Variants in ESRRB observed in about 807,000 individuals in gnomAD.
The protein encoded by ESRRB is estrogen related receptor beta.
Under a neutral mutation model 46.0 loss-of-function variants are expected in ESRRB, and 16 were observed. That is an observed-to-expected ratio of 0.35 (90% CI 0.24 to 0.53). The LOEUF is 0.53. ESRRB is among the 20% of genes least tolerant of loss of function. ESRRB has a pLI of 0.93. For missense variants in ESRRB, 488 were observed against 607.4 expected (o/e 0.80, Z 2.07); for synonymous variants, 246 against 259.6 (o/e 0.95, Z 0.50).
chr14:76,444,510 G>A (rs959184816), intron 2 of ESRRB, among the ~76,000 whole-genome samples: 11 of 151,862 alleles, frequency 7.2e-5, no homozygotes, highest in African/African-American at 1.9e-4. Flanking sequence ...AGAAAGGGAC[G>A]TGGTTCTTTC....
intron 1 of ESRRB, among the ~76,000 whole-genome samples, chr14:76,322,634 C>T (rs1032146005): frequency 1.3e-5 from 2 of 152,216 alleles, no homozygotes; most frequent in African/African-American, 4.8e-5. Context: ...TCTCCCACCA[C>T]CAATATCATC....
At chr14:76,331,348 G>A (rs765689239) in intron 1 of ESRRB, among the ~76,000 whole-genome samples, 21 of 152,168 alleles carry the variant, frequency 1.4e-4, no homozygotes, top group Admixed American at 2.6e-4. Flanking sequence ...ATTCACCTTT[G>A]TGCCTCAGTT....
intron 1 of ESRRB, among the ~76,000 whole-genome samples, chr14:76,341,999 T>G (rs1457090076): frequency 6.6e-6 from 1 of 152,148 alleles, no homozygotes; most frequent in African/African-American, 2.4e-5. Flanking sequence ...GGCCTGGAGT[T>G]GGGCTGATGG....
chr14:76,341,019 G>C (rs1011653432), intron 1 of ESRRB, among the ~76,000 whole-genome samples: 1 of 152,190 alleles, frequency 6.6e-6, no homozygotes, highest in Non-Finnish European at 1.5e-5. Context: ...CCGAGACTCA[G>C]CCTGCCCCTG....
At chr14:76,485,443 T>C (rs1421363202) in intron 5 of ESRRB, among the ~76,000 whole-genome samples, 1 of 151,946 alleles carries the variant, frequency 6.6e-6, no homozygotes, top group Non-Finnish European at 1.5e-5. Context: ...GGTTTCACCA[T>C]GTTGGCCAGG....
chr14:76,422,928 C>A (rs1363952754), intron 1 of ESRRB, among the ~76,000 whole-genome samples: 1 of 152,114 alleles, frequency 6.6e-6, no homozygotes, highest in Non-Finnish European at 1.5e-5. Flanking sequence ...AGTCAAGCAA[C>A]CCCTTTCCAG....
Position 76,498,738 on chromosome 14 carries a change from G to A in ESRRB, c.*280G>A, listed in dbSNP as rs1890538519. On this transcript the variant is annotated 3_prime_UTR_variant, in exon 7 of 7. Coordinates refer to ENST00000644823, the MANE Select transcript of ESRRB (RefSeq NM_001379180.1). ...GGACGGTGCGGAGGCCTGGGCCAGG[G>A]CTGACTCCCTTCAGGAGTGGAGGCC... 2 of 1,031,394 alleles carry A rather than the reference G, an allele frequency of 1.9e-6. No homozygotes were observed. The highest frequency in any genetic ancestry group is 1.8e-5 in the Admixed American group (1 of 55,026). The allele number at this position is 1,031,394 out of a possible 1,614,324, so 63.9% of individuals were successfully genotyped here. A position where few individuals can be genotyped will look rare whatever the true frequency, so the allele number is the denominator to read the frequency against.
intron 1 of ESRRB, among the ~76,000 whole-genome samples, chr14:76,421,408 A>C (rs1158982331): frequency 6.6e-6 from 1 of 152,226 alleles, no homozygotes; most frequent in African/African-American, 2.4e-5. Context: ...TATTTTGAGG[A>C]GTAAATAAGC....
At chr14:76,494,580 T>C (rs182515167) in intron 6 of ESRRB, among the ~76,000 whole-genome samples, 50 of 152,284 alleles carry the variant, frequency 3.3e-4, no homozygotes, top group African/African-American at 1.2e-3. Flanking sequence ...GTGCTGGGAT[T>C]GCGGGCGTGA....
chr14:76,356,654 C>G lies in ESRRB; in HGVS notation c.2+45738C>G, dbSNP rs546404469. On this transcript the variant is annotated intron_variant, in intron 1 of 6. Transcript: ENST00000512784. ...TGCACCCTCTTTTTAGACCTCCCCA[C>G]TCTGTGCTAACTCCAGACTCATCCT... Among the ~76,000 whole-genome samples, 9 of 152,336 alleles carry G rather than the reference C, an allele frequency of 5.9e-5. No individual in the cohort carries two copies. In the East Asian group the frequency reaches 1.7e-3, roughly 29 times the overall value.
Position 76,439,593 on chromosome 14 carries a change from C to T in ESRRB, c.303C>T (p.Ala101=). Residue 101 remains alanine (A), a synonymous_variant, in exon 2 of 7, where the codon GCC becomes GCT. Transcript: ENST00000644823. ...GCCGCAAGAGCTACGAGGACTGTGCCAGCGGCATCATGGAGGACTCGGCCA... is the reference window on the plus strand; with the variant it reads ...GCCGCAAGAGCTACGAGGACTGTGCTAGCGGCATCATGGAGGACTCGGCCA... ...TPCRKSYEDC[A]SGIMEDSAIK... is the part of the protein sequence containing the mutation. 6.2e-7 allele frequency: 1 copy of T among 1,614,212 alleles called. No individual in the cohort carries two copies. The highest frequency in any genetic ancestry group is 8.5e-7 in the Non-Finnish European group (1 of 1,180,020).
Position 76,482,005 on chromosome 14 carries a change from C to T in ESRRB, c.578-11C>T. On this transcript the variant is annotated splice_polypyrimidine_tract_variant and intron_variant, in intron 3 of 6. Coordinates refer to ENST00000644823, the MANE Select transcript of ESRRB (RefSeq NM_001379180.1). The surrounding 1 kb of genome is among the most constrained non-coding windows in gnomAD (Gnocchi z 4.3). Reference sequence around the variant, plus strand: ...CAACTGCTGAGATCTTTTCCCTTTCCTCCCCAATAGGTGTGCGCCTTGATC... The same window carrying T: ...CAACTGCTGAGATCTTTTCCCTTTCTTCCCCAATAGGTGTGCGCCTTGATC... The T allele has an allele frequency of 6.2e-7, 1 of 1,612,548 alleles. No homozygotes were observed. Among genetic ancestry groups the T allele is most frequent in the Non-Finnish European group, 8.5e-7 (1 of 1,178,546 alleles).
At position 76,499,946 on chromosome 14, in the gene ESRRB, C is replaced by T. The variant is rs765408328; in HGVS notation, c.*1488C>T. On this transcript the variant is annotated 3_prime_UTR_variant, in exon 7 of 7. Coordinates refer to ENST00000644823, the MANE Select transcript of ESRRB (RefSeq NM_001379180.1). ...GAAAATGCCCCTTCCAATCAGCTGC[C>T]TTCACAAGCAGGGATCAGAGCAACT... 13 of 1,612,974 alleles carry T rather than the reference C, an allele frequency of 8.1e-6. No homozygotes were observed. Among genetic ancestry groups the T allele is most frequent in the African/African-American group, 8.0e-5 (6 of 74,910 alleles).
chr14:76,372,530 G>T (rs1052818276), upstream of ESRRB, among the ~76,000 whole-genome samples: 4 of 152,132 alleles, frequency 2.6e-5, no homozygotes, highest in Non-Finnish European at 5.9e-5. Context: ...CAGGGAGGGA[G>T]GGAGTAGGAA....
intron 1 of ESRRB, among the ~76,000 whole-genome samples, chr14:76,365,995 C>T (rs1373490898): frequency 6.6e-6 from 1 of 152,190 alleles, no homozygotes; most frequent in Non-Finnish European, 1.5e-5. Flanking sequence ...TGGTTGCCAA[C>T]TCAAGAGCCA....
intron 1 of ESRRB, among the ~76,000 whole-genome samples, chr14:76,408,439 G>A (rs12432428): frequency 0.051 from 7,778 of 151,764 alleles, 427 homozygotes; most frequent in East Asian, 0.28. Flanking sequence ...AAATTAACCA[G>A]GTGCAGGTGC....
intron 1 of ESRRB, among the ~76,000 whole-genome samples, chr14:76,433,005 T>G (rs1887521414): frequency 6.6e-6 from 1 of 152,086 alleles, no homozygotes; most frequent in South Asian, 2.1e-4. Flanking sequence ...CAAGATCCTC[T>G]CATGATGGCA....
Position 76,364,691 on chromosome 14 carries a change from C to CAA in ESRRB, c.2+53787_2+53788dup, listed in dbSNP as rs11432405. 4.5e-3 allele frequency among the ~76,000 whole-genome samples: 645 copies of CAA among 143,398 alleles called. 5 individuals are homozygous for CAA. The highest frequency in any genetic ancestry group is 0.013 in the African/African-American group (512 of 38,600). The allele number at this position is 143,398 out of a possible 152,430, so 94.1% of individuals were successfully genotyped here. On this transcript the variant is annotated intron_variant, in intron 1 of 6. Transcript: ENST00000512784. ...TGGGCAACAGAGCGAGATCCTGTCTCAAAAAAAAAAAAATGCCCTAAGGAC... is the reference window on the plus strand; with the variant it reads ...TGGGCAACAGAGCGAGATCCTGTCTCAAAAAAAAAAAAAAATGCCCTAAGGAC...
chr14:76,338,048 A>C (rs1289190868), intron 1 of ESRRB, among the ~76,000 whole-genome samples: 2 of 152,062 alleles, frequency 1.3e-5, no homozygotes, highest in African/African-American at 4.8e-5. Context: ...AGTCTCTGCA[A>C]TTCTCCCCTC....
Sources: gnomAD v4.1 joint callset for allele counts (sites outside exome capture counted in the v4.1 genomes callset) on GRCh38, gnomAD v4.1.1 for gene constraint, Gnocchi (gnomAD v3.1) non-coding constraint, MANE v1.5 for transcripts, NCBI Gene and HGNC (gene_info 2026-07-23, HGNC 2026-07-21) for gene names.